Variants in ATP9A observed in about 807,000 individuals in gnomAD.
ATP9A encodes the protein ATPase phospholipid transporting 9A.
In ATP9A, 52 loss-of-function variants were observed where a neutral mutation model predicts 144.1. The ratio of observed to expected loss-of-function variants is 0.36; its 90% CI spans 0.29 to 0.45. The LOEUF is 0.45. Among genes scored for constraint, ATP9A ranks in the 20% least tolerant of loss-of-function variants. The pLI is 1.00. For missense variants in ATP9A, 947 were observed against 1,392.7 expected (o/e 0.68, Z 5.09); for synonymous variants, 582 against 557.4 (o/e 1.04, Z -0.62).
intron 1 of ATP9A, among the ~76,000 whole-genome samples, chr20:51,744,393 T>C (rs920792240): frequency 2.6e-5 from 4 of 152,180 alleles, no homozygotes; most frequent in African/African-American, 7.2e-5. Flanking sequence ...TTCAAACGCC[T>C]GACCTCAGGT....
chr20:51,763,602 C>T (rs368137240), intron 1 of ATP9A, among the ~76,000 whole-genome samples: 78 of 152,192 alleles, frequency 5.1e-4, no homozygotes, highest in African/African-American at 1.7e-3. Context: ...AATGAGCCAC[C>T]GCACCTGGCC....
Position 51,768,271 on chromosome 20 carries a change from C to G in ATP9A, c.68+31G>C, listed in dbSNP as rs1385123172. 4.8e-6 allele frequency: 6 copies of G among 1,241,364 alleles called. No homozygotes were observed. The East Asian group carries it at 2.0e-4, about 40-fold the overall frequency. 76.9% of individuals were successfully genotyped at this position (1,241,364 alleles called of 1,614,324 possible). A position where few individuals can be genotyped will look rare whatever the true frequency, so the allele number is the denominator to read the frequency against. Reference sequence around the variant, plus strand: ...AGCGCCGGGCTCCGGGAGGCGCGGACAAAGGAAAACACGGGCCCAGGCCCA... The same window carrying G: ...AGCGCCGGGCTCCGGGAGGCGCGGAGAAAGGAAAACACGGGCCCAGGCCCA... On this transcript the variant is annotated intron_variant, in intron 1 of 27. Transcript: ENST00000338821.
intron 1 of ATP9A, among the ~76,000 whole-genome samples, chr20:51,767,083 T>C (rs968286696): frequency 1.3e-5 from 2 of 151,632 alleles, no homozygotes; most frequent in Non-Finnish European, 1.5e-5. Context: ...CTTTTTTTTT[T>C]TTTTTTTAAT....
intron 24 of ATP9A, among the ~76,000 whole-genome samples, chr20:51,608,954 T>TGTGTGTGTGTGTGTGTG (rs59577973): frequency 2.0e-5 from 3 of 147,420 alleles, no homozygotes; most frequent in Non-Finnish European, 4.5e-5. Flanking sequence ...TGTGTGTGTG[T>TGTGTGTGTGTGTGTGTG]AGGGGGTGAT....
In ATP9A at chr20:51,670,073, A is replaced by G. The variant is rs2077449650; in HGVS notation, c.1217T>C (p.Leu406Pro). The G allele has an allele frequency of 6.2e-7, 1 of 1,614,026 alleles. No homozygotes were observed. Among genetic ancestry groups the G allele is most frequent in the African/African-American group, 1.3e-5 (1 of 74,902 alleles). ...GCCGTAGGCTACTGTTCCGAGATGG[A>G]GCCGTTTGAAAATCATCTCGTTCTG... ...LTQNEMIFKR[L>P]HLGTVAYGLD... The change falls in exon 13 of 28, where the codon CTC becomes CCC. Residue 406 changes from leucine to proline, a missense_variant. Coordinates refer to ENST00000338821, the MANE Select transcript of ATP9A (RefSeq NM_006045.3).
intron 25 of ATP9A, 115 bp from the exon 26 acceptor site, chr20:51,607,699 T>C: frequency 1.3e-6 from 1 of 761,148 alleles, no homozygotes; most frequent in South Asian, 1.6e-5. Flanking sequence ...TCTGTCTTCA[T>C]CAATAAAGTG....
chr20:51,759,595 C>T (rs1387382094), intron 1 of ATP9A, among the ~76,000 whole-genome samples: 3 of 152,180 alleles, frequency 2.0e-5, no homozygotes, highest in African/African-American at 7.2e-5. Flanking sequence ...ATCGCTTGAA[C>T]CTCAGAGGCA....
Position 51,598,992 on chromosome 20 carries a change from A to G in ATP9A, c.*2219T>C, listed in dbSNP as rs1261682043. 6.6e-6 allele frequency: 1 copy of G among 152,264 alleles called. No homozygotes were observed. The highest frequency in any genetic ancestry group is 6.5e-5 in the Admixed American group (1 of 15,286). The allele number at this position is 152,264 out of a possible 1,614,324, so 9.4% of individuals were successfully genotyped here. On this transcript the variant is annotated 3_prime_UTR_variant, in exon 28 of 28. Coordinates refer to ENST00000338821, the MANE Select transcript of ATP9A (RefSeq NM_006045.3). ...GGCTTCTTCAGCCCCTCCTGGGAGC[A>G]TTCTCCCTTGAAGATGTCAATCAGT...
chr20:51,700,892 T>C (rs1003065507), intron 4 of ATP9A, among the ~76,000 whole-genome samples: 7 of 152,144 alleles, frequency 4.6e-5, no homozygotes, highest in East Asian at 1.9e-4. Flanking sequence ...GACGGTCTAA[T>C]TGGCAGAACG....
At chr20:51,678,520 G>T (rs1347887487) in intron 9 of ATP9A, among the ~76,000 whole-genome samples, 1 of 152,154 alleles carries the variant, frequency 6.6e-6, no homozygotes, top group Non-Finnish European at 1.5e-5. Flanking sequence ...CCCTTCCAAG[G>T]AGGCTCCCGG....
At chr20:51,684,864 A>C (rs2077515727) in intron 9 of ATP9A, among the ~76,000 whole-genome samples, 1 of 150,784 alleles carries the variant, frequency 6.6e-6, no homozygotes, top group Admixed American at 6.6e-5. Context: ...CAAAAAAATT[A>C]GCCTGGCGTA....
intron 7 of ATP9A, among the ~76,000 whole-genome samples, chr20:51,693,119 C>T (rs952820410): frequency 6.6e-5 from 10 of 152,188 alleles, no homozygotes; most frequent in South Asian, 2.1e-4. Context: ...CCAGGGCCTG[C>T]GCCCCATCAT....
chr20:51,676,691 C>G (rs2077478698), intron 9 of ATP9A, among the ~76,000 whole-genome samples: 2 of 152,158 alleles, frequency 1.3e-5, no homozygotes, highest in African/African-American at 4.8e-5. Context: ...GTAGGCCAGG[C>G]TGGTCTTGAA....
intron 1 of ATP9A, among the ~76,000 whole-genome samples, chr20:51,760,705 G>A (rs186673969): frequency 7.0e-4 from 89 of 127,374 alleles, no homozygotes; most frequent in Middle Eastern, 6.5e-3. Flanking sequence ...CAGCCTGGGC[G>A]ACAGAGCAAG....
chr20:51,609,677 C>T (rs1388774658), intron 24 of ATP9A, among the ~76,000 whole-genome samples: 2 of 152,180 alleles, frequency 1.3e-5, no homozygotes, highest in East Asian at 3.9e-4. Context: ...CTCTGGCCCT[C>T]CCTGGAGCTC....
chr20:51,766,355 A>C (rs565481425), intron 1 of ATP9A, among the ~76,000 whole-genome samples: 33 of 152,320 alleles, frequency 2.2e-4, no homozygotes, highest in African/African-American at 7.7e-4. Flanking sequence ...GTCTTCTTTA[A>C]TTCATCCTTG....
intron 1 of ATP9A, among the ~76,000 whole-genome samples, chr20:51,737,883 G>A (rs1253946110): frequency 2.0e-5 from 3 of 152,002 alleles, no homozygotes; most frequent in African/African-American, 7.3e-5. Context: ...GTGTGGTGGC[G>A]CAGATCTATA....
chr20:51,670,009 G>A lies in ATP9A; in HGVS notation c.1281C>T (p.Ser427=). 1 of 1,613,520 alleles carries A rather than the reference G, an allele frequency of 6.2e-7. No homozygotes were observed. The highest frequency in any genetic ancestry group is 1.3e-5 in the African/African-American group (1 of 75,014). ...SMDEVQSHIF[S]IYTQQSQDPP... is the part of the protein sequence containing the mutation. ...TGGAAGGCTTTACCTGGGTGTAAAT[G>A]CTGAAAATGTGGCTTTGTACTTCGT... Residue 427 remains serine, a synonymous_variant, in exon 13 of 28, where the codon AGC becomes AGT. Coordinates refer to ENST00000338821, the MANE Select transcript of ATP9A (RefSeq NM_006045.3).
At position 51,670,971 on chromosome 20, in the gene ATP9A, G is replaced by A. The variant is rs762859601; in HGVS notation, c.1180+144C>T. 9.1e-5 allele frequency: 88 copies of A among 968,058 alleles called. No homozygotes were observed. The Middle Eastern group carries it at 2.2e-3, about 25-fold the overall frequency. The allele number at this position is 968,058 out of a possible 1,614,324, so 60.0% of individuals were successfully genotyped here. A position where few individuals can be genotyped will look rare whatever the true frequency, so the allele number is the denominator to read the frequency against. ...TGTTATCATCATCTTCATCACCAAA[G>A]AATCTTCATCAAAAGATGAAGGGAA... is the stretch of plus-strand genomic sequence containing the variant. On this transcript the variant is annotated intron_variant, in intron 12 of 27. Transcript: ENST00000338821.
Sources: gnomAD v4.1 joint callset for allele counts (sites outside exome capture counted in the v4.1 genomes callset) on GRCh38, gnomAD v4.1.1 for gene constraint, MANE v1.5 for transcripts, NCBI Gene and HGNC (gene_info 2026-07-23, HGNC 2026-07-21) for gene names.